Variants in CARF observed in about 807,000 individuals in gnomAD.
CARF encodes the protein calcium-responsive transcription factor.
In CARF, 57 loss-of-function variants were observed where a neutral mutation model predicts 82.0. That is an observed-to-expected ratio of 0.70 (90% CI 0.56 to 0.87). The LOEUF is 0.87. Among genes scored for constraint, CARF ranks in the 40% least tolerant of loss-of-function variants. The pLI, the probability that CARF is intolerant of heterozygous loss-of-function variation, is 0.00. For synonymous variants in CARF, 268 were observed against 290.1 expected (o/e 0.92, Z 0.77); for missense variants, 771 against 855.8 (o/e 0.90, Z 1.24).
intron 3 of CARF, among the ~76,000 whole-genome samples, chr2:202,932,723 T>C (rs1368749005): frequency 1.3e-5 from 2 of 151,908 alleles, no homozygotes; most frequent in African/African-American, 2.4e-5. Context: ...CCTGGGGGTG[T>C]AGGGAACAGC....
chr2:202,933,177 C>T (rs1028215029), intron 3 of CARF, among the ~76,000 whole-genome samples: 3 of 152,224 alleles, frequency 2.0e-5, no homozygotes, highest in South Asian at 2.1e-4. Context: ...CTGCTTCCCC[C>T]GACCCCTGTA....
chr2:202,961,209 A>C (rs2059307005), intron 8 of CARF, 28 bp from the exon 9 acceptor site: 2 of 1,569,798 alleles, frequency 1.3e-6, no homozygotes, highest in East Asian at 4.5e-5. Flanking sequence ...TATTGCTAGT[A>C]ATTTTGTTTA....
chr2:202,929,832 A>G (rs1040119109), intron 3 of CARF, among the ~76,000 whole-genome samples: 1 of 152,000 alleles, frequency 6.6e-6, no homozygotes, highest in Non-Finnish European at 1.5e-5. Context: ...GGCTCAAGCA[A>G]TCCTCCTGCC....
At chr2:202,941,671 C>T (rs2058235935) in intron 3 of CARF, among the ~76,000 whole-genome samples, 189 bp from the exon 4 acceptor site, 1 of 152,110 alleles carries the variant, frequency 6.6e-6, no homozygotes, top group Non-Finnish European at 1.5e-5. Flanking sequence ...TTTTGCCCTG[C>T]ATTGAATGTA....
intron 5 of CARF, among the ~76,000 whole-genome samples, chr2:202,947,432 C>A (rs2058552192): frequency 6.6e-6 from 1 of 152,060 alleles, no homozygotes; most frequent in East Asian, 1.9e-4. Context: ...ACAATGGGAA[C>A]ACATGGACAC....
intron 12 of CARF, among the ~76,000 whole-genome samples, chr2:202,974,042 C>G (rs2059926228): frequency 6.6e-6 from 1 of 151,482 alleles, no homozygotes. Context: ...GAGCCGAGAT[C>G]ACACCACTGC....
chr2:202,930,470 C>G (rs983190422), intron 3 of CARF, among the ~76,000 whole-genome samples: 2 of 152,100 alleles, frequency 1.3e-5, no homozygotes, highest in Admixed American at 6.5e-5. Context: ...TGTCCAAGTT[C>G]AGAAATTCTC....
chr2:202,933,942 G>A (rs570334793), intron 3 of CARF, among the ~76,000 whole-genome samples: 2 of 151,648 alleles, frequency 1.3e-5, no homozygotes, highest in African/African-American at 4.8e-5. Context: ...CCTAATATGA[G>A]GGTTTAAAGA....
chr2:202,935,105 T>TATAATTATATATAATTATAA (rs1693673809), intron 3 of CARF, among the ~76,000 whole-genome samples: 1 of 142,448 alleles, frequency 7.0e-6, no homozygotes, highest in African/African-American at 2.6e-5. Context: ...ATATATAATA[T>TATAATTATATATAATTATAA]ATAATTATAT....
In CARF at chr2:202,919,499, C is replaced by A. The variant is rs950196102; in HGVS notation, c.-163+1456C>A. Among the ~76,000 whole-genome samples, 9 of 152,202 alleles carry A rather than the reference C, an allele frequency of 5.9e-5. No homozygotes were observed. In the East Asian group the frequency reaches 1.7e-3, roughly 29 times the overall value. ...CCTAAACTCCACTTCTCAATCTGTT[C>A]TACCTAATGTTTTTTCAGTGACTAC... On this transcript the variant is annotated intron_variant, in intron 2 of 16. Transcript: ENST00000438828.
At position 202,974,315 on chromosome 2, in the gene CARF, C is replaced by A; in HGVS notation, c.1332-19C>A. 6.4e-7 allele frequency: 1 copy of A among 1,552,506 alleles called. No homozygotes were observed. The highest frequency in any genetic ancestry group is 8.6e-7 in the Non-Finnish European group (1 of 1,157,040). On this transcript the variant is annotated intron_variant, in intron 12 of 16. Transcript: ENST00000438828. ...TGCTAAATGGTTTATGTCTTTATTC[C>A]ATTTTGTATTCTTTACAGAAAATTT...
chr2:202,930,299 G>A (rs2105753424), intron 3 of CARF, among the ~76,000 whole-genome samples: 1 of 152,282 alleles, frequency 6.6e-6, no homozygotes, highest in East Asian at 1.9e-4. Context: ...CACCTGCCTT[G>A]GCTTTCCAAA....
rs1389743801 is a variant in CARF at position 202,981,612 on chromosome 2, CTT to C, written c.1618_1619del (p.Leu540ValfsTer3). On this transcript the variant is annotated frameshift_variant, in exon 15 of 17. Coordinates refer to ENST00000438828, the MANE Select transcript of CARF (RefSeq NM_024744.17). LOFTEE classifies it high-confidence loss of function. ...GTGGAAACAAATCAGACCAGGGGTT[CTT>C]TGTCTCCTGAGCCAACCCACTTGCT... is the stretch of plus-strand genomic sequence containing the variant. The C allele has an allele frequency of 6.2e-7, 1 of 1,611,054 alleles. No individual in the cohort carries two copies. The highest frequency in any genetic ancestry group is 2.2e-5 in the East Asian group (1 of 44,818).
intron 11 of CARF, 78 bp from the exon 12 acceptor site, chr2:202,971,427 G>C: frequency 1.3e-6 from 1 of 796,426 alleles, no homozygotes; most frequent in Non-Finnish European, 1.9e-6. Flanking sequence ...AAGTAATTAT[G>C]ATTCCTACTT....
At chr2:202,942,990 C>A in intron 5 of CARF, 23 bp downstream of exon 5, 1 of 1,579,324 alleles carries the variant, frequency 6.3e-7, no homozygotes, top group East Asian at 2.2e-5. Context: ...TATAAGTAAC[C>A]AGTTTTATGC....
chr2:202,916,501 A>G (rs1386620213), intron 1 of CARF, among the ~76,000 whole-genome samples: 1 of 152,148 alleles, frequency 6.6e-6, no homozygotes, highest in Non-Finnish European at 1.5e-5. Context: ...TTTTTAATGT[A>G]GTTAATAAGA....
chr2:202,965,994 G>A (rs917500170), intron 9 of CARF, among the ~76,000 whole-genome samples: 1 of 152,176 alleles, frequency 6.6e-6, no homozygotes, highest in Admixed American at 6.5e-5. Context: ...TCTACTTTCA[G>A]ATTCACTCTT....
chr2:202,914,645 G>C (rs1454078551), intron 1 of CARF, among the ~76,000 whole-genome samples: 2 of 151,880 alleles, frequency 1.3e-5, no homozygotes, highest in African/African-American at 2.4e-5. Flanking sequence ...CAGGCATGGT[G>C]GGGGGTGCCT....
At chr2:202,976,503 C>G (rs550978711) in intron 13 of CARF, among the ~76,000 whole-genome samples, 15 of 152,118 alleles carry the variant, frequency 9.9e-5, no homozygotes, top group African/African-American at 3.4e-4. Context: ...GGTAGTTTCT[C>G]CCTGAATATT....
Sources: gnomAD v4.1 joint callset for allele counts (sites outside exome capture counted in the v4.1 genomes callset) on GRCh38, gnomAD v4.1.1 for gene constraint, MANE v1.5 for transcripts, NCBI Gene and HGNC (gene_info 2026-07-23, HGNC 2026-07-21) for gene names.